The following SOX5 variants were observed in gnomAD, a reference collection of about 807,000 sequenced individuals.
SOX5 encodes transcription factor SOX-5.
A neutral mutation model predicts 92.0 loss-of-function variants in SOX5; 9 were observed. The ratio of observed to expected loss-of-function variants is 0.10; its 90% confidence interval spans 0.06 to 0.17. The LOEUF (loss-of-function observed/expected upper bound fraction) is 0.17. Ranked by LOEUF, SOX5 falls within the 10% of genes least tolerant of loss-of-function variation. SOX5 has a pLI of 1.00. For missense variants in SOX5, 642 were observed against 944.5 expected (o/e 0.68, Z 4.20); for synonymous variants, 344 against 336.3 (o/e 1.02, Z -0.25).
At chr12:24,200,603 A>T (rs1957424349) in intron 4 of SOX5, among the ~76,000 whole-genome samples, 1 of 152,158 alleles carries the variant, frequency 6.6e-6, no homozygotes, top group African/African-American at 2.4e-5. Context: ...TGTCAAAGCT[A>T]TATAGAAACT....
At chr12:23,616,094 T>C (rs1356687704) in intron 8 of SOX5, among the ~76,000 whole-genome samples, 4 of 152,164 alleles carry the variant, frequency 2.6e-5, no homozygotes, top group Non-Finnish European at 5.9e-5. Context: ...TAAAGGGATA[T>C]GTGTTCTTTG....
At chr12:23,881,047 C>T (rs1351341509) in intron 2 of SOX5, among the ~76,000 whole-genome samples, 1 of 151,994 alleles carries the variant, frequency 6.6e-6, no homozygotes, top group African/African-American at 2.4e-5. Flanking sequence ...ATGCTTTAAG[C>T]CTATAGAGGG....
intron 3 of SOX5, among the ~76,000 whole-genome samples, chr12:24,232,497 A>T (rs2139956349): frequency 6.6e-6 from 1 of 152,350 alleles, no homozygotes; most frequent in Non-Finnish European, 1.5e-5. Flanking sequence ...AAGTAAATCT[A>T]TTCCTGAGAC....
At chr12:24,424,794 G>C (rs553258740) in intron 1 of SOX5, among the ~76,000 whole-genome samples, 2 of 127,848 alleles carry the variant, frequency 1.6e-5, no homozygotes, top group Non-Finnish European at 3.2e-5. Context: ...TCTTTTCTTT[G>C]TGAGTTTTTT....
At chr12:24,068,712 A>G (rs913662008) in intron 4 of SOX5, among the ~76,000 whole-genome samples, 7,237 of 53,574 alleles carry the variant, frequency 0.14, 316 homozygotes, top group African/African-American at 0.2. Context: ...GTGTATATAT[A>G]TATATATATA....
At chr12:23,893,169 CA>C (rs1441615075) in intron 2 of SOX5, among the ~76,000 whole-genome samples, 1 of 152,088 alleles carries the variant, frequency 6.6e-6, no homozygotes, top group Non-Finnish European at 1.5e-5. Context: ...TGGTTTTGGC[CA>C]GGTGTGGTGG....
At chr12:23,631,704 T>C (rs938758137) in intron 8 of SOX5, among the ~76,000 whole-genome samples, 1 of 152,124 alleles carries the variant, frequency 6.6e-6, no homozygotes, top group Non-Finnish European at 1.5e-5. Context: ...AAATTTCAAA[T>C]ATAATTTTAA....
At chr12:23,639,934 T>C (rs2079819326) in intron 8 of SOX5, among the ~76,000 whole-genome samples, 1 of 152,346 alleles carries the variant, frequency 6.6e-6, no homozygotes, top group East Asian at 1.9e-4. Flanking sequence ...ATAACTGCTT[T>C]ATCTCTGGCT....
chr12:23,618,742 G>C (rs1349978602), intron 8 of SOX5, among the ~76,000 whole-genome samples: 2 of 152,304 alleles, frequency 1.3e-5, no homozygotes, highest in South Asian at 2.1e-4. Flanking sequence ...ACAACTGGTA[G>C]TATCAGAAGT....
chr12:24,386,332 T>C (rs143601103), intron 1 of SOX5, among the ~76,000 whole-genome samples: 11 of 152,284 alleles, frequency 7.2e-5, no homozygotes, highest in African/African-American at 2.6e-4. Context: ...TAGCTGTCTT[T>C]TATTAAACCC....
intron 1 of SOX5, among the ~76,000 whole-genome samples, chr12:24,440,995 C>T (rs1940469118): frequency 6.6e-6 from 1 of 152,208 alleles, no homozygotes; most frequent in Non-Finnish European, 1.5e-5. Flanking sequence ...ATGCATTCTC[C>T]TCTTACCAAA....
At chr12:23,915,090 A>T (rs2097398768) in intron 1 of SOX5, among the ~76,000 whole-genome samples, 2 of 152,154 alleles carry the variant, frequency 1.3e-5, no homozygotes, top group South Asian at 4.1e-4. Flanking sequence ...GACCTTGATC[A>T]TGTTACTTAA....
rs1326395967 is a variant in SOX5, at chr12:23,846,202, G to C, written c.271-9C>G. The stretch of plus-strand genomic sequence containing the variant: ...TTATTGCCATCAACTTCCTGAAAGA[G>C]AAAGCAAAATGACAAATAATTGTTT... On this transcript the variant is annotated splice_polypyrimidine_tract_variant and intron_variant, in intron 2 of 14. Coordinates refer to ENST00000451604, the MANE Select transcript of SOX5 (RefSeq NM_006940.6). 3.7e-6 allele frequency: 6 copies of C among 1,603,114 alleles called. No homozygotes were observed. Among genetic ancestry groups the C allele is most frequent in the Admixed American group, 1.7e-5 (1 of 59,950 alleles).
intron 4 of SOX5, among the ~76,000 whole-genome samples, chr12:23,968,343 T>C (rs990676081): frequency 2.0e-5 from 3 of 152,236 alleles, no homozygotes; most frequent in African/African-American, 2.4e-5. Flanking sequence ...CTACTTGACC[T>C]TGGCTAAGCC....
At chr12:23,736,958 G>T (rs2093623209) in intron 5 of SOX5, among the ~76,000 whole-genome samples, 2 of 151,452 alleles carry the variant, frequency 1.3e-5, no homozygotes, top group Admixed American at 1.3e-4. Flanking sequence ...CTCCTAAAGT[G>T]CTGGGATTAC....
At chr12:24,304,600 C>T (rs1595391536) in intron 2 of SOX5, among the ~76,000 whole-genome samples, 1 of 152,238 alleles carries the variant, frequency 6.6e-6, no homozygotes, top group Non-Finnish European at 1.5e-5. Context: ...GCAGACCTCG[C>T]TCTTGGGCCA....
chr12:23,915,347 A>G (rs962329778), intron 1 of SOX5, among the ~76,000 whole-genome samples: 9 of 152,160 alleles, frequency 5.9e-5, no homozygotes, highest in African/African-American at 2.2e-4. Flanking sequence ...ATGAGAAGCC[A>G]TCTGTGTTTA....
intron 1 of SOX5, among the ~76,000 whole-genome samples, chr12:24,496,064 C>G (rs1420772015): frequency 6.6e-6 from 1 of 152,168 alleles, no homozygotes; most frequent in African/African-American, 2.4e-5. Flanking sequence ...CTTTGAAACA[C>G]TCTAATCTCA....
intron 6 of SOX5, among the ~76,000 whole-genome samples, chr12:23,667,797 TGTAGA>T (rs2084065831): frequency 1.3e-5 from 2 of 152,180 alleles, no homozygotes; most frequent in Non-Finnish European, 2.9e-5. Flanking sequence ...TAGAACAGAC[TGTAGA>T]GTACTGTACT....
Sources: gnomAD v4.1 joint callset for allele counts (sites outside exome capture counted in the v4.1 genomes callset) on GRCh38, gnomAD v4.1.1 for gene constraint, MANE v1.5 for transcripts, NCBI Gene and HGNC (gene_info 2026-07-23, HGNC 2026-07-21) for gene names.